PRRC2B: variants seen among roughly 807,000 people sequenced by gnomAD.
The protein encoded by PRRC2B is proline rich coiled-coil 2B, also known as protein PRRC2B.
In PRRC2B, 68 loss-of-function variants were observed where a neutral mutation model predicts 242.3. The observed-to-expected ratio is 0.28, with a 90% CI of 0.23 to 0.34. The LOEUF (loss-of-function observed/expected upper bound fraction) is 0.34. Among genes scored for constraint, PRRC2B ranks in the 10% least tolerant of loss-of-function variants. The pLI, the probability that PRRC2B is intolerant of heterozygous loss-of-function variation, is 1.00. For missense variants in PRRC2B, 2,835 were observed against 2,954.8 expected, an observed-to-expected ratio of 0.96 and a Z score of 0.94; for synonymous variants, 1,228 against 1,173.6, an observed-to-expected ratio of 1.05 and a Z score of -0.95.
chr9:131,437,734 A>G (rs1838421293), intron 4 of PRRC2B, among the ~76,000 whole-genome samples: 2 of 152,256 alleles, frequency 1.3e-5, no homozygotes, highest in Admixed American at 1.3e-4. Flanking sequence ...AAAGAGGTCT[A>G]TAATCATGCA....
chr9:131,470,810 A>T lies in PRRC2B; in HGVS notation c.1934A>T (p.His645Leu). 1 of 1,612,606 alleles carries T rather than the reference A, an allele frequency of 6.2e-7. No homozygotes were observed. The highest frequency in any genetic ancestry group is 1.1e-5 in the South Asian group (1 of 91,040). ...CAGGAGCAGCTGTACAAGATGCAGCACTGGCAGCCGGTGTACCCCCCGCCG... is the reference window on the plus strand; with the variant it reads ...CAGGAGCAGCTGTACAAGATGCAGCTCTGGCAGCCGGTGTACCCCCCGCCG... Reference protein sequence around the residue: ...QQQEQLYKMQHWQPVYPPPSH... With the variant: ...QQQEQLYKMQLWQPVYPPPSH... Residue 645 changes from histidine (H) to leucine (L), a missense_variant, in exon 14 of 32, where the codon CAC becomes CTC. His to Leu is a moderately conservative substitution (Grantham distance 99, BLOSUM62 -3). Coordinates refer to ENST00000683519, the MANE Select transcript of PRRC2B (RefSeq NM_013318.4).
intron 1 of PRRC2B, among the ~76,000 whole-genome samples, chr9:131,395,797 T>G (rs1363987476): frequency 6.6e-6 from 1 of 152,094 alleles, no homozygotes; most frequent in African/African-American, 2.4e-5. Flanking sequence ...GAGGCAGGGA[T>G]GGGAAAAAGT....
In PRRC2B at chr9:131,488,082, T is replaced by A; in HGVS notation, c.6211T>A (p.Ser2071Thr). The A allele has an allele frequency of 6.2e-7, 1 of 1,612,796 alleles. No individual in the cohort carries two copies. Among genetic ancestry groups the A allele is most frequent in the East Asian group, 2.2e-5 (1 of 44,818 alleles). Residue 2071 changes from serine (S) to threonine (T), a missense_variant, in exon 28 of 32, where the codon TCC (serine) becomes ACC (threonine). Physicochemically the swap from Ser to Thr is moderately conservative, Grantham distance 58 (BLOSUM62 1). Coordinates refer to ENST00000683519, the MANE Select transcript of PRRC2B (RefSeq NM_013318.4). ...CCTGGGTGCCTCCCAGATGTTGGAC[T>A]CCCAGCTCCCACAGGTCAGGAATTC... Reference protein sequence around the residue: ...AGLGASQMLDSQLPQLTMPLP... With the variant: ...AGLGASQMLDTQLPQLTMPLP...
chr9:131,487,866 T>G lies in PRRC2B; in HGVS notation c.5995T>G (p.Tyr1999Asp). ...SSLQPFRSQV[Y>D]MHPSLSPPST... is the part of the protein sequence containing the mutation. The stretch of plus-strand genomic sequence containing the variant: ...GTCTGGCTTTTGCAGATCTCAGGTG[T>G]ACATGCACCCCAGCCTGTCACCGCC... Residue 1999 changes from tyrosine to aspartate, a missense_variant, in exon 28 of 32, where the codon TAC (tyrosine) becomes GAC (aspartate). Tyr to Asp is a radical substitution (Grantham distance 160, BLOSUM62 -3). This residue lies in a region of PRRC2B where 574 missense variants were observed against 626.0 expected (regional missense o/e 0.92). Coordinates refer to ENST00000683519, the MANE Select transcript of PRRC2B (RefSeq NM_013318.4). The surrounding 1 kb of genome is among the most constrained non-coding windows in gnomAD (Gnocchi z 5.3). 1.2e-6 allele frequency: 2 copies of G among 1,610,564 alleles called. No individual in the cohort carries two copies. Among genetic ancestry groups the G allele is most frequent in the Non-Finnish European group, 1.7e-6 (2 of 1,177,202 alleles).
intron 1 of PRRC2B, among the ~76,000 whole-genome samples, chr9:131,404,753 A>G (rs1180978236): frequency 1.3e-5 from 2 of 152,226 alleles, no homozygotes; most frequent in African/African-American, 2.4e-5. Context: ...TATGTTATCT[A>G]TTTTAGCAAC....
At chr9:131,406,481 C>T (rs1837363777) in intron 1 of PRRC2B, among the ~76,000 whole-genome samples, 1 of 152,192 alleles carries the variant, frequency 6.6e-6, no homozygotes, top group Non-Finnish European at 1.5e-5. Context: ...GCAAGGGAGA[C>T]TGCAGCTGGG....
At position 131,446,053 on chromosome 9, in the gene PRRC2B, T is replaced by A. The variant is rs1214171025; in HGVS notation, c.614-348T>A. ...CTGACCCTAAGTGGGCTGGTCAGTG[T>A]TTGTTGAAGGAATGACCCAAGGCTG... On this transcript the variant is annotated intron_variant, in intron 6 of 31. Coordinates refer to ENST00000683519, the MANE Select transcript of PRRC2B (RefSeq NM_013318.4). This position sits in a 1 kb window ranked among gnomAD's most constrained non-coding sequence, Gnocchi z 4.1. 6.6e-6 allele frequency among the ~76,000 whole-genome samples: 1 copy of A among 152,204 alleles called. No homozygotes were observed. Among genetic ancestry groups the A allele is most frequent in the Non-Finnish European group, 1.5e-5 (1 of 68,048 alleles).
intron 3 of PRRC2B, among the ~76,000 whole-genome samples, chr9:131,433,308 G>C (rs1180799539): frequency 2.0e-5 from 3 of 152,178 alleles, no homozygotes; most frequent in Non-Finnish European, 4.4e-5. Context: ...TCATCAGTGA[G>C]AACAGCACAG....
chr9:131,475,744 C>G lies in PRRC2B; in HGVS notation c.3615C>G (p.Leu1205=), dbSNP rs1410846905. Residue 1205 remains leucine (L), a synonymous_variant, in exon 16 of 32, where the codon CTC becomes CTG. Transcript: ENST00000683519. Reference sequence around the variant, plus strand: ...GCCCTCGGGCCTTTGGGCGAGCCCTCCCTCCCCGGCTGAGCAATTGCGGGT... The same window carrying G: ...GCCCTCGGGCCTTTGGGCGAGCCCTGCCTCCCCGGCTGAGCAATTGCGGGT... ...SRGPRAFGRA[L]PPRLSNCGYG... is the part of the protein sequence containing the mutation. 6.2e-7 allele frequency: 1 copy of G among 1,613,382 alleles called. No individual in the cohort carries two copies. Among genetic ancestry groups the G allele is most frequent in the East Asian group, 2.2e-5 (1 of 44,850 alleles).
intron 13 of PRRC2B, 77 bp downstream of exon 13, chr9:131,467,830 T>C: frequency 1.4e-6 from 2 of 1,447,062 alleles, no homozygotes; most frequent in African/African-American, 1.4e-5. Flanking sequence ...CTCGTCCCCA[T>C]GCCCCACCTC....
chr9:131,410,088 A>G (rs1266827643), intron 1 of PRRC2B, among the ~76,000 whole-genome samples: 2 of 152,134 alleles, frequency 1.3e-5, no homozygotes, highest in Middle Eastern at 3.2e-3. Context: ...ACTGTTCATC[A>G]CTCACCATAT....
intron 2 of PRRC2B, among the ~76,000 whole-genome samples, chr9:131,430,489 G>A (rs1005778696): frequency 1.6e-4 from 21 of 127,778 alleles, no homozygotes; most frequent in Non-Finnish European, 2.9e-4. Flanking sequence ...TTGAAGCTGG[G>A]GAGATATATC....
intron 9 of PRRC2B, among the ~76,000 whole-genome samples, chr9:131,454,788 A>T (rs1342818551): frequency 1.3e-5 from 2 of 152,092 alleles, no homozygotes; most frequent in Non-Finnish European, 2.9e-5. Context: ...GGCACACGCC[A>T]CCATGCCCGA....
chr9:131,442,938 A>G (rs573171067), intron 5 of PRRC2B, among the ~76,000 whole-genome samples: 1 of 152,320 alleles, frequency 6.6e-6, no homozygotes, highest in Non-Finnish European at 1.5e-5. Context: ...GAATGAAGAA[A>G]TAAACTGTTC....
chr9:131,463,234 T>C (rs1388573216), intron 11 of PRRC2B, among the ~76,000 whole-genome samples: 1 of 152,182 alleles, frequency 6.6e-6, no homozygotes, highest in African/African-American at 2.4e-5. Context: ...AAGTTTATAA[T>C]CTTATGATTA....
chr9:131,382,751 T>C (rs1330009662), intron 1 of PRRC2B, among the ~76,000 whole-genome samples: 3 of 151,798 alleles, frequency 2.0e-5, no homozygotes, highest in African/African-American at 7.3e-5. Context: ...CTCAAGCGAA[T>C]CTCCTGCCTC....
At chr9:131,478,649 G>GGGGGGGGGGGGGCCCGGGGGC in intron 18 of PRRC2B, 30 bp downstream of exon 18, 1 of 504,562 alleles carries the variant, frequency 2.0e-6, no homozygotes, top group Non-Finnish European at 4.0e-6. Context: ...GGGGCATGGG[G>GGGGGGGGGGGGGCCCGGGGGC]CTGGAGGGCA....
rs150217837 is a variant in PRRC2B, at chr9:131,420,079, T to C, written c.-51-10015T>C. ...TCCTCACCATACGCCTCAATGCTTC[T>C]TTGTTTTTCCTTTCCTCTTATTTTA... On this transcript the variant is annotated intron_variant, in intron 1 of 31. Coordinates refer to ENST00000683519, the MANE Select transcript of PRRC2B (RefSeq NM_013318.4). Among the ~76,000 whole-genome samples, 297 of 152,278 alleles carry C rather than the reference T, an allele frequency of 2.0e-3. 1 individual carries two copies. The highest frequency in any genetic ancestry group is 6.8e-3 in the African/African-American group (283 of 41,536).
At chr9:131,382,858 T>G (rs1250103319) in intron 1 of PRRC2B, among the ~76,000 whole-genome samples, 1 of 152,166 alleles carries the variant, frequency 6.6e-6, no homozygotes, top group Non-Finnish European at 1.5e-5. Flanking sequence ...TTGGCCAGGC[T>G]GTTCTCGAAC....
Sources: gnomAD v4.1 joint callset for allele counts (sites outside exome capture counted in the v4.1 genomes callset) on GRCh38, gnomAD v4.1.1 for gene constraint, gnomAD v4.1.1 regional missense constraint, Gnocchi (gnomAD v3.1) non-coding constraint, MANE v1.5 for transcripts, NCBI Gene and HGNC (gene_info 2026-07-23, HGNC 2026-07-21) for gene names.